The following TG variants were observed in gnomAD, a reference collection of about 807,000 sequenced individuals.
TG encodes the protein thyroid hormones.
Under a neutral mutation model 324.7 loss-of-function variants are expected in TG, and 270 were observed. That is an observed-to-expected ratio of 0.83 (90% CI 0.75 to 0.92). The LOEUF (loss-of-function observed/expected upper bound fraction) is 0.92. Ranked by LOEUF, TG falls within the 40% of genes least tolerant of loss-of-function variation. TG has a pLI of 0.00. For missense variants in TG, 3,591 were observed against 3,456.4 expected, an observed-to-expected ratio of 1.04 and a Z score of -0.98; for synonymous variants, 1,401 against 1,327.0, an observed-to-expected ratio of 1.06 and a Z score of -1.21.
intron 41 of TG, chr8:133,040,064 G>T (rs1332484170): frequency 3.9e-6 from 6 of 1,555,506 alleles, no homozygotes; most frequent in Non-Finnish European, 5.2e-6. Flanking sequence ...GGCCCTCACT[G>T]CTGGGGCAGC....
chr8:133,008,515 AC>A (rs1486368109), intron 35 of TG, among the ~76,000 whole-genome samples: 3 of 152,214 alleles, frequency 2.0e-5, no homozygotes, highest in South Asian at 2.1e-4. Flanking sequence ...TGAAAAAAAA[AC>A]AAAATAAAAA....
chr8:133,123,720 G>A (rs1371680160), intron 45 of TG, among the ~76,000 whole-genome samples: 3 of 140,216 alleles, frequency 2.1e-5, no homozygotes, highest in East Asian at 2.0e-4. Flanking sequence ...TTTGGGGACC[G>A]CACCCCCAGC....
At chr8:133,089,053 C>T (rs1373021421) in intron 41 of TG, among the ~76,000 whole-genome samples, 1 of 152,210 alleles carries the variant, frequency 6.6e-6, no homozygotes, top group Non-Finnish European at 1.5e-5. Flanking sequence ...GTGGCACCTT[C>T]CAGGTGTGGG....
intron 3 of TG, among the ~76,000 whole-genome samples, chr8:132,870,787 G>A (rs1333943935): frequency 6.6e-6 from 1 of 151,996 alleles, no homozygotes; most frequent in South Asian, 2.1e-4. Flanking sequence ...AGAGATAGAA[G>A]GTGGAGGTGC....
chr8:133,118,484 C>T (rs1850886339), intron 45 of TG, among the ~76,000 whole-genome samples: 1 of 152,048 alleles, frequency 6.6e-6, no homozygotes, highest in African/African-American at 2.4e-5. Context: ...GCCATGATTC[C>T]CAGCTAATTT....
chr8:133,017,946 A>T lies in TG; in HGVS notation c.6731A>T (p.Gln2244Leu), dbSNP rs1227803080. The change falls in exon 38 of 48, where the codon CAG becomes CTG. Residue 2244 changes from glutamine to leucine, a missense_variant. By Grantham distance (113) the Gln-to-Leu change is moderately radical (BLOSUM62 -2). Coordinates refer to ENST00000220616, the MANE Select transcript of TG (RefSeq NM_003235.5). ...AAPPLAERRF[Q>L]APEPLNWTGS... ...CCGCCCCTGGCAGAGAGGCGCTTCC[A>T]GGCACCAGAGCCCTTGAACTGGACA... 1 of 1,614,224 alleles carries T rather than the reference A, an allele frequency of 6.2e-7. No homozygotes were observed. The highest frequency in any genetic ancestry group is 8.5e-7 in the Non-Finnish European group (1 of 1,180,044).
chr8:132,993,468 T>C (rs1047965083), intron 35 of TG, among the ~76,000 whole-genome samples: 1 of 152,208 alleles, frequency 6.6e-6, no homozygotes, highest in Non-Finnish European at 1.5e-5. Flanking sequence ...GTTTTAGGCT[T>C]AAAAGAGATA....
chr8:133,092,026 C>T (rs972212151), intron 41 of TG, among the ~76,000 whole-genome samples: 1 of 152,092 alleles, frequency 6.6e-6, no homozygotes. Flanking sequence ...AGACAAACTC[C>T]AAGTCTCCTG....
intron 20 of TG, among the ~76,000 whole-genome samples, chr8:132,916,997 C>G (rs1429752770): frequency 7.1e-6 from 1 of 140,410 alleles, no homozygotes; most frequent in African/African-American, 2.6e-5. Context: ...TTCTTTCCCT[C>G]CAACCCTCCC....
At chr8:133,082,932 G>C (rs879604413) in intron 41 of TG, among the ~76,000 whole-genome samples, 13 of 152,198 alleles carry the variant, frequency 8.5e-5, no homozygotes, top group Non-Finnish European at 1.6e-4. Flanking sequence ...GTGTCATCCA[G>C]TTATAACCGA....
intron 14 of TG, among the ~76,000 whole-genome samples, chr8:132,899,949 G>C (rs1817676516): frequency 6.6e-6 from 1 of 152,214 alleles, no homozygotes; most frequent in African/African-American, 2.4e-5. Flanking sequence ...TCACTCACCA[G>C]CTGTGAGTTG....
At chr8:133,132,900 G>T (rs972967996) in intron 46 of TG, among the ~76,000 whole-genome samples, 9 of 152,184 alleles carry the variant, frequency 5.9e-5, no homozygotes, top group Non-Finnish European at 1.2e-4. Context: ...GGAGGTCTGG[G>T]CAAATGCAGC....
Position 132,970,997 on chromosome 8 carries a change from A to G in TG, c.5976-797A>G, listed in dbSNP as rs117568084. 8.9e-4 allele frequency among the ~76,000 whole-genome samples: 135 copies of G among 152,310 alleles called. 2 individuals carry two copies. Among genetic ancestry groups the G allele is most frequent in the East Asian group, 2.5e-3 (13 of 5,182 alleles). On this transcript the variant is annotated intron_variant, in intron 32 of 47. Coordinates refer to ENST00000220616, the MANE Select transcript of TG (RefSeq NM_003235.5). The stretch of plus-strand genomic sequence containing the variant: ...TTGGGTTCAGGGAAGGAGAATGGCA[A>G]TACGAGGCAGGATCCCCTCACCAAG...
intron 41 of TG, among the ~76,000 whole-genome samples, chr8:133,035,649 T>C (rs940316899): frequency 2.6e-5 from 4 of 152,250 alleles, no homozygotes; most frequent in African/African-American, 9.6e-5. Context: ...TCATTGTTTC[T>C]TCTTAATGTT....
intron 35 of TG, among the ~76,000 whole-genome samples, chr8:133,007,591 C>G (rs546830312): frequency 6.6e-6 from 1 of 152,000 alleles, no homozygotes; most frequent in South Asian, 2.1e-4. Flanking sequence ...TGACCCTGAT[C>G]AGGATTTGTT....
chr8:132,880,785 C>T (rs1051937546), intron 5 of TG, among the ~76,000 whole-genome samples: 3 of 152,282 alleles, frequency 2.0e-5, no homozygotes, highest in East Asian at 1.9e-4. Flanking sequence ...TATAATCTAA[C>T]CTTTTTACAT....
chr8:132,929,336 C>T, intron 23 of TG, 144 bp downstream of exon 23: 1 of 691,786 alleles, frequency 1.4e-6, no homozygotes, highest in East Asian at 2.7e-5. Flanking sequence ...GAATTGATTT[C>T]CAGAATGCAT....
intron 41 of TG, among the ~76,000 whole-genome samples, chr8:133,062,127 G>T (rs1318404048): frequency 6.6e-6 from 1 of 152,182 alleles, no homozygotes; most frequent in African/African-American, 2.4e-5. Context: ...ATCCTTTTTG[G>T]ATCCTGTTGA....
chr8:133,108,277 C>T (rs1394175028), intron 43 of TG, among the ~76,000 whole-genome samples: 2 of 151,990 alleles, frequency 1.3e-5, no homozygotes, highest in Admixed American at 6.6e-5. Context: ...TGAGCCACCA[C>T]GCCCGGCCTG....
Sources: allele counts gnomAD v4.1 joint callset (sites outside exome capture counted in the v4.1 genomes callset), GRCh38; gene constraint gnomAD v4.1.1; transcripts MANE v1.5; gene names NCBI Gene and HGNC (gene_info 2026-07-23, HGNC 2026-07-21).